TBCE: variants seen among roughly 807,000 people sequenced by gnomAD.
TBCE encodes the protein tubulin-specific chaperone E.
Under a neutral mutation model 77.0 loss-of-function variants are expected in TBCE, and 53 were observed. That is an observed-to-expected ratio of 0.69 (90% CI 0.55 to 0.87). The LOEUF (loss-of-function observed/expected upper bound fraction) is 0.87, where lower values mean the gene tolerates loss of function less well. Among genes scored for constraint, TBCE ranks in the 40% least tolerant of loss-of-function variants. TBCE has a pLI of 0.00. For synonymous variants in TBCE, 235 were observed against 241.3 expected (o/e 0.97, Z 0.24); for missense variants, 624 against 622.4 (o/e 1.00, Z -0.03).
intron 2 of TBCE, among the ~76,000 whole-genome samples, chr1:235,391,502 A>G (rs564049764): frequency 2.6e-5 from 4 of 151,972 alleles, no homozygotes; most frequent in South Asian, 4.2e-4. Flanking sequence ...AGCGTAGACA[A>G]AGAAAGTAGA....
chr1:235,376,125 T>A (rs1291455021), intron 1 of TBCE, among the ~76,000 whole-genome samples: 1 of 152,110 alleles, frequency 6.6e-6, no homozygotes, highest in Non-Finnish European at 1.5e-5. Flanking sequence ...ATGATCTCAT[T>A]GGTCATGTCT....
At chr1:235,392,689 G>C (rs1022079890) in intron 2 of TBCE, among the ~76,000 whole-genome samples, 1 of 151,820 alleles carries the variant, frequency 6.6e-6, no homozygotes, top group Non-Finnish European at 1.5e-5. Context: ...GGGATTACAT[G>C]CCTGAGCCAC....
chr1:235,443,039 CT>C lies in TBCE; in HGVS notation c.1399+132del. 2.3e-6 allele frequency: 2 copies of C among 883,620 alleles called. 1 individual carries two copies. The highest frequency in any genetic ancestry group is 3.6e-6 in the Non-Finnish European group (2 of 551,306). 54.7% of individuals were successfully genotyped at this position (883,620 alleles called of 1,614,324 possible). A position where few individuals can be genotyped will look rare whatever the true frequency, so the allele number is the denominator to read the frequency against. ...TCAGAACTTACAGGTTTTCATTAGT[CT>C]TTTATATTCTAAAATACAATCAATC... On this transcript the variant is annotated intron_variant, in intron 15 of 16. Coordinates refer to ENST00000642610, the MANE Select transcript of TBCE (RefSeq NM_003193.5).
chr1:235,404,306 G>T (rs943365064), intron 3 of TBCE, among the ~76,000 whole-genome samples: 1 of 151,568 alleles, frequency 6.6e-6, no homozygotes, highest in African/African-American at 2.4e-5. Context: ...GCAGTGTGGG[G>T]TGGTACGGGT....
intron 2 of TBCE, among the ~76,000 whole-genome samples, chr1:235,392,496 C>T (rs978144525): frequency 6.0e-5 from 9 of 150,562 alleles, no homozygotes; most frequent in South Asian, 2.1e-4. Context: ...CTGCAACCTC[C>T]GCCTCCTGGA....
rs1682883909 is a variant in TBCE at position 235,451,332 on chromosome 1, G to C, written c.*2570G>C. ...GTAGTCAGTCTGTGTAAGCCCAACA[G>C]TTCCAAGCCAAAAATCTGAAGTATT... On this transcript the variant is annotated 3_prime_UTR_variant, in exon 17 of 17. Transcript: ENST00000642610. 1 of 152,130 alleles carries C rather than the reference G, an allele frequency of 6.6e-6. No individual in the cohort carries two copies. Among genetic ancestry groups the C allele is most frequent in the South Asian group, 2.1e-4 (1 of 4,824 alleles). 9.4% of individuals were successfully genotyped at this position (152,130 alleles called of 1,614,324 possible). A position where few individuals can be genotyped will look rare whatever the true frequency, so the allele number is the denominator to read the frequency against.
chr1:235,412,357 A>G (rs1679863668), intron 3 of TBCE, among the ~76,000 whole-genome samples: 1 of 143,622 alleles, frequency 7.0e-6, no homozygotes, highest in African/African-American at 2.6e-5. Context: ...CATACTTCCA[A>G]GTAGCGAAAC....
chr1:235,377,019 T>A (rs1677340430), intron 1 of TBCE, among the ~76,000 whole-genome samples: 1 of 152,160 alleles, frequency 6.6e-6, no homozygotes, highest in Admixed American at 6.6e-5. Context: ...AACTTTGGGC[T>A]CGGAGATTAT....
Position 235,416,571 on chromosome 1 carries a change from T to C in TBCE, c.371+1953T>C, listed in dbSNP as rs191939870. On this transcript the variant is annotated intron_variant, in intron 4 of 16. Coordinates refer to ENST00000642610, the MANE Select transcript of TBCE (RefSeq NM_003193.5). ...AAAAAAAACCCCAAATATTTACATA[T>C]CTCTTACCCAAAGGAAGCATTTTTT... Among the ~76,000 whole-genome samples the C allele has an allele frequency of 1.9e-4, 29 of 152,190 alleles. 1 individual carries two copies. The highest frequency in any genetic ancestry group is 1.4e-3 in the Admixed American group (22 of 15,274).
chr1:235,394,128 G>T (rs1469079505), intron 2 of TBCE, among the ~76,000 whole-genome samples: 1 of 152,014 alleles, frequency 6.6e-6, no homozygotes, highest in Non-Finnish European at 1.5e-5. Context: ...AGGCTGGAGT[G>T]CAGTGGTGCA....
At chr1:235,386,144 T>C (rs1001696494) in intron 2 of TBCE, among the ~76,000 whole-genome samples, 5 of 152,148 alleles carry the variant, frequency 3.3e-5, no homozygotes, top group Non-Finnish European at 7.3e-5. Context: ...GAATATTGGC[T>C]CCCACTCTCT....
intron 2 of TBCE, among the ~76,000 whole-genome samples, chr1:235,398,839 T>G (rs1183135317): frequency 1.3e-5 from 2 of 151,408 alleles, no homozygotes; most frequent in Non-Finnish European, 2.9e-5. Context: ...GAGATGTGGT[T>G]TCACTATGTT....
At chr1:235,432,872 T>C in intron 7 of TBCE, 1 of 573,698 alleles carries the variant, frequency 1.7e-6, no homozygotes, top group Non-Finnish European at 2.3e-6. Flanking sequence ...ATATATATTA[T>C]ATATTATTAT....
intron 2 of TBCE, among the ~76,000 whole-genome samples, chr1:235,383,231 G>A (rs1677788541): frequency 6.6e-6 from 1 of 151,342 alleles, no homozygotes; most frequent in Admixed American, 6.6e-5. Context: ...TTGTAGTATA[G>A]TTTGAAGTCA....
In TBCE at chr1:235,450,040, T is replaced by G; in HGVS notation, c.*1278T>G. 1 of 719,684 alleles carries G rather than the reference T, an allele frequency of 1.4e-6. No individual in the cohort carries two copies. Among genetic ancestry groups the G allele is most frequent in the Non-Finnish European group, 2.1e-6 (1 of 469,812 alleles). 44.6% of individuals were successfully genotyped at this position (719,684 alleles called of 1,614,324 possible). ...AGTACAAGTTGATTTTTAAGGAAATTTGTGCAAACATTAAGAAACACCGCA... is the reference window on the plus strand; with the variant it reads ...AGTACAAGTTGATTTTTAAGGAAATGTGTGCAAACATTAAGAAACACCGCA... On this transcript the variant is annotated 3_prime_UTR_variant, in exon 17 of 17. Coordinates refer to ENST00000642610, the MANE Select transcript of TBCE (RefSeq NM_003193.5).
chr1:235,406,658 A>T (rs1015294930), intron 3 of TBCE, among the ~76,000 whole-genome samples: 1 of 151,890 alleles, frequency 6.6e-6, no homozygotes, highest in Non-Finnish European at 1.5e-5. Flanking sequence ...CAGCCTCCTG[A>T]GTAGCTGGGA....
chr1:235,372,988 T>C (rs1284440444), intron 1 of TBCE, among the ~76,000 whole-genome samples: 1 of 150,970 alleles, frequency 6.6e-6, no homozygotes, highest in Non-Finnish European at 1.5e-5. Flanking sequence ...ACTTGGATAT[T>C]GAGATGATTA....
intron 5 of TBCE, among the ~76,000 whole-genome samples, chr1:235,420,324 T>C (rs1221268643): frequency 6.6e-6 from 1 of 151,822 alleles, no homozygotes. Flanking sequence ...AGTTCTTTTT[T>C]TTTTTTTTGA....
chr1:235,404,749 C>T (rs1289033921), intron 3 of TBCE, among the ~76,000 whole-genome samples: 1 of 151,034 alleles, frequency 6.6e-6, no homozygotes, highest in Non-Finnish European at 1.5e-5. Flanking sequence ...GCTCACTGCA[C>T]TGCCTGGGTT....
Sources: allele counts gnomAD v4.1 joint callset (sites outside exome capture counted in the v4.1 genomes callset), GRCh38; gene constraint gnomAD v4.1.1; transcripts MANE v1.5; gene names NCBI Gene and HGNC (gene_info 2026-07-23, HGNC 2026-07-21).